PABPC4L: variants seen among roughly 807,000 people sequenced by gnomAD.
PABPC4L encodes polyadenylate-binding protein 4-like.
For missense variants in PABPC4L, 452 were observed against 451.4 expected, an observed-to-expected ratio of 1.00 and a Z score of -0.01; for synonymous variants, 169 against 164.1, an observed-to-expected ratio of 1.03 and a Z score of -0.23.
the PABPC4L span, among the ~76,000 whole-genome samples, chr4:134,181,534 A>G: frequency 9.2e-5 from 14 of 152,080 alleles, no homozygotes; most frequent in Non-Finnish European, 1.0e-4. Context: ...ATCAGGCAAG[A>G]CTAAGAAACA....
the PABPC4L span, among the ~76,000 whole-genome samples, chr4:133,993,672 T>C: frequency 6.6e-6 from 1 of 152,176 alleles, no homozygotes; most frequent in Non-Finnish European, 1.5e-5. Context: ...TTAGCTAGTC[T>C]TTGGGTTAAC....
chr4:134,109,637 A>C, the PABPC4L span, among the ~76,000 whole-genome samples: 1 of 152,174 alleles, frequency 6.6e-6, no homozygotes, highest in African/African-American at 2.4e-5. Flanking sequence ...TAAAAAAATT[A>C]ATAAAAAAAT....
chr4:134,150,326 C>G, the PABPC4L span, among the ~76,000 whole-genome samples: 1 of 151,962 alleles, frequency 6.6e-6, no homozygotes, highest in Non-Finnish European at 1.5e-5. Context: ...TCACTTGATC[C>G]ACCTGCCTTG....
chr4:134,138,514 T>C, the PABPC4L span, among the ~76,000 whole-genome samples: 9 of 151,990 alleles, frequency 5.9e-5, no homozygotes, highest in East Asian at 7.7e-4. Flanking sequence ...CATTTTAGTA[T>C]AGGTGAAGCA....
chr4:134,127,638 A>G, the PABPC4L span, among the ~76,000 whole-genome samples: 1 of 152,138 alleles, frequency 6.6e-6, no homozygotes, highest in Non-Finnish European at 1.5e-5. Flanking sequence ...GTGGGACAAA[A>G]GATTCTGAAC....
At chr4:134,189,939 C>T in the PABPC4L span, among the ~76,000 whole-genome samples, 1 of 152,016 alleles carries the variant, frequency 6.6e-6, no homozygotes, top group Non-Finnish European at 1.5e-5. Context: ...ACTGTCTTCC[C>T]CTTACCTGGT....
chr4:133,988,791 T>A, the PABPC4L span, among the ~76,000 whole-genome samples: 1 of 152,166 alleles, frequency 6.6e-6, no homozygotes. Flanking sequence ...ACATTTCCCT[T>A]CTGTACTACC....
At chr4:134,130,559 A>C in the PABPC4L span, among the ~76,000 whole-genome samples, 1 of 152,092 alleles carries the variant, frequency 6.6e-6, no homozygotes. Context: ...GTAAAAAAAA[A>C]GGCCAGGCCC....
At chr4:133,996,669 C>A in the PABPC4L span, among the ~76,000 whole-genome samples, 1 of 152,274 alleles carries the variant, frequency 6.6e-6, no homozygotes, top group Non-Finnish European at 1.5e-5. Flanking sequence ...GTCTGTCCTG[C>A]AGACTCTGGC....
the PABPC4L span, among the ~76,000 whole-genome samples, chr4:134,130,511 C>T: frequency 1.3e-5 from 2 of 151,966 alleles, no homozygotes; most frequent in Admixed American, 1.3e-4. Flanking sequence ...AGACAAATAA[C>T]AAGTGCAAGA....
chr4:134,034,997 A>T, the PABPC4L span, among the ~76,000 whole-genome samples: 2 of 90,236 alleles, frequency 2.2e-5, no homozygotes, highest in Non-Finnish European at 4.3e-5. Context: ...AAGTCAGTTG[A>T]TGTGGAAAAC....
the PABPC4L span, among the ~76,000 whole-genome samples, chr4:134,007,071 A>C: frequency 6.6e-6 from 1 of 151,862 alleles, no homozygotes; most frequent in Non-Finnish European, 1.5e-5. Context: ...GGAATAGATA[A>C]GATTTTTAAG....
At chr4:134,176,626 C>T in the PABPC4L span, among the ~76,000 whole-genome samples, 1 of 152,102 alleles carries the variant, frequency 6.6e-6, no homozygotes, top group African/African-American at 2.4e-5. Flanking sequence ...TGAACACTAA[C>T]CCAACAGGCC....
At chr4:134,129,774 T>G in the PABPC4L span, among the ~76,000 whole-genome samples, 1 of 151,842 alleles carries the variant, frequency 6.6e-6, no homozygotes, top group Non-Finnish European at 1.5e-5. Context: ...AATGCCTACA[T>G]CAAAAACTTT....
chr4:133,989,354 C>T, the PABPC4L span, among the ~76,000 whole-genome samples: 3,774 of 152,162 alleles, frequency 0.025, 162 homozygotes, highest in African/African-American at 0.086. Flanking sequence ...AAATTTCTTC[C>T]ACCACATACT....
At chr4:134,090,468 T>G in the PABPC4L span, among the ~76,000 whole-genome samples, 1 of 152,086 alleles carries the variant, frequency 6.6e-6, no homozygotes, top group African/African-American at 2.4e-5. Flanking sequence ...CACTATTCAT[T>G]AAAAAGGCTG....
the PABPC4L span, among the ~76,000 whole-genome samples, chr4:134,158,501 C>A: frequency 5.9e-5 from 9 of 151,974 alleles, no homozygotes; most frequent in Middle Eastern, 3.2e-3. Context: ...GACATAAAAT[C>A]TTTTTGTTAT....
At chr4:134,069,137 G>A in the PABPC4L span, among the ~76,000 whole-genome samples, 2 of 152,078 alleles carry the variant, frequency 1.3e-5, no homozygotes, top group South Asian at 4.2e-4. Context: ...CTTTTCTTTA[G>A]GAATGTATGT....
the PABPC4L span, among the ~76,000 whole-genome samples, chr4:134,043,944 G>A: frequency 3.6e-3 from 551 of 152,108 alleles, 2 homozygotes; most frequent in African/African-American, 0.012. Context: ...GGATGTCTGT[G>A]TGTGTGTGTG....
Sources: gnomAD v4.1 joint callset for allele counts (sites outside exome capture counted in the v4.1 genomes callset) on GRCh38, gnomAD v4.1.1 for gene constraint, MANE v1.5 for transcripts, NCBI Gene and HGNC (gene_info 2026-07-23, HGNC 2026-07-21) for gene names.